The following HS3ST4 variants were observed in gnomAD, a reference collection of about 807,000 sequenced individuals.
HS3ST4 encodes heparan sulfate glucosamine 3-O-sulfotransferase 4.
HS3ST4 carries 17 observed loss-of-function variants against 29.2 expected under a neutral mutation model. The observed-to-expected ratio is 0.58, with a 90% CI of 0.40 to 0.87. The LOEUF is 0.87. Ranked by LOEUF, HS3ST4 falls within the 40% of genes least tolerant of loss-of-function variation. The pLI, the probability that HS3ST4 is intolerant of heterozygous loss-of-function variation, is 0.00. For synonymous variants in HS3ST4, 314 were observed against 285.7 expected (o/e 1.10, Z -1.00); for missense variants, 627 against 634.5 (o/e 0.99, Z 0.13).
At chr16:25,828,305 T>TTTCTTTCC (rs1567249540) in intron 1 of HS3ST4, among the ~76,000 whole-genome samples, 48 of 76,100 alleles carry the variant, frequency 6.3e-4, no homozygotes, top group South Asian at 1.0e-3. Flanking sequence ...TCTTTCCCTC[T>TTTCTTTCC]CTCTCTCTCT....
chr16:25,816,627 G>A (rs1360536453), intron 1 of HS3ST4, among the ~76,000 whole-genome samples: 1 of 152,176 alleles, frequency 6.6e-6, no homozygotes, highest in East Asian at 1.9e-4. Context: ...TTTCAGAGGT[G>A]TCTTAGTCTT....
chr16:26,028,002 G>A (rs148346149), intron 1 of HS3ST4, among the ~76,000 whole-genome samples: 12 of 152,260 alleles, frequency 7.9e-5, no homozygotes, highest in African/African-American at 1.9e-4. Context: ...GGCTGGGAGC[G>A]GGGCTCATGC....
chr16:25,718,411 G>C lies in HS3ST4; in HGVS notation c.734+25260G>C, dbSNP rs768726522. On this transcript the variant is annotated intron_variant, in intron 1 of 1. Transcript: ENST00000331351. The stretch of plus-strand genomic sequence containing the variant: ...TTAGAGTCTTGGAGCAGCAAGGATA[G>C]GGTGTCGGAGCTGCTTTCTGGTCAT... 1.3e-5 allele frequency among the ~76,000 whole-genome samples: 2 copies of C among 152,112 alleles called. 1 individual carries two copies. The highest frequency in any genetic ancestry group is 4.1e-4 in the South Asian group (2 of 4,820).
chr16:25,898,971 A>G (rs567704432), intron 1 of HS3ST4, among the ~76,000 whole-genome samples: 10 of 152,372 alleles, frequency 6.6e-5, no homozygotes, highest in South Asian at 2.1e-4. Context: ...ATTTTGAGAA[A>G]TACTGGTGGA....
At chr16:26,027,965 GA>G (rs2141751584) in intron 1 of HS3ST4, among the ~76,000 whole-genome samples, 1 of 152,170 alleles carries the variant, frequency 6.6e-6, no homozygotes, top group South Asian at 2.1e-4. Context: ...TTTTAATTCA[GA>G]ATAAAGATTA....
intron 1 of HS3ST4, among the ~76,000 whole-genome samples, chr16:26,090,879 G>A: frequency 6.6e-6 from 1 of 152,122 alleles, no homozygotes; most frequent in Non-Finnish European, 1.5e-5. Context: ...AGCCCATAGT[G>A]GGAGAATGAG....
intron 1 of HS3ST4, among the ~76,000 whole-genome samples, chr16:25,975,930 T>C (rs1567285311): frequency 6.6e-6 from 1 of 152,210 alleles, no homozygotes; most frequent in Non-Finnish European, 1.5e-5. Context: ...AATAGTACGC[T>C]GGGATGCACA....
intron 1 of HS3ST4, among the ~76,000 whole-genome samples, chr16:25,972,470 A>G (rs56210500): frequency 0.088 from 13,369 of 152,246 alleles, 775 homozygotes; most frequent in Non-Finnish European, 0.12. Context: ...TGTTGTCAAG[A>G]TTCCCTTCCT....
intron 1 of HS3ST4, among the ~76,000 whole-genome samples, chr16:25,792,234 A>G (rs1159838396): frequency 6.6e-6 from 1 of 151,936 alleles, no homozygotes; most frequent in Non-Finnish European, 1.5e-5. Flanking sequence ...CATGAATATT[A>G]AAGAGATTAA....
chr16:26,113,373 G>C (rs926873090), intron 1 of HS3ST4, among the ~76,000 whole-genome samples: 7 of 151,842 alleles, frequency 4.6e-5, no homozygotes, highest in African/African-American at 7.2e-5. Context: ...TTGAAACCGG[G>C]GGGTAGAGGT....
Position 25,798,478 on chromosome 16 carries a change from G to C in HS3ST4, c.734+105327G>C, listed in dbSNP as rs1966902301. 2.0e-5 allele frequency among the ~76,000 whole-genome samples: 3 copies of C among 152,288 alleles called. No homozygotes were observed. The South Asian group carries it at 6.2e-4, about 32-fold the overall frequency. The stretch of plus-strand genomic sequence containing the variant: ...TTATGACAGAAAAGAGAGCATAGCT[G>C]AATATGGCAATCATACAATGACTCT... On this transcript the variant is annotated intron_variant, in intron 1 of 1. Coordinates refer to ENST00000331351, the MANE Select transcript of HS3ST4 (RefSeq NM_006040.3).
At chr16:25,904,871 C>G (rs1366073230) in intron 1 of HS3ST4, among the ~76,000 whole-genome samples, 1 of 152,120 alleles carries the variant, frequency 6.6e-6, no homozygotes, top group African/African-American at 2.4e-5. Context: ...GCATTTTGGA[C>G]AGCGCCTGGT....
chr16:26,098,651 T>G, intron 1 of HS3ST4, among the ~76,000 whole-genome samples: 1 of 151,676 alleles, frequency 6.6e-6, no homozygotes, highest in Non-Finnish European at 1.5e-5. Context: ...AGTTGATGGG[T>G]GCAACAAACC....
At chr16:26,066,676 A>G (rs1180741904) in intron 1 of HS3ST4, among the ~76,000 whole-genome samples, 1 of 152,222 alleles carries the variant, frequency 6.6e-6, no homozygotes, top group East Asian at 1.9e-4. Context: ...TTGAAAGGTT[A>G]ATTACAGAAA....
At chr16:25,770,545 A>G (rs182308400) in intron 1 of HS3ST4, among the ~76,000 whole-genome samples, 127 of 149,778 alleles carry the variant, frequency 8.5e-4, no homozygotes, top group Non-Finnish European at 1.7e-3. Flanking sequence ...TAAGCCTAAC[A>G]CGCTCTACAA....
intron 1 of HS3ST4, among the ~76,000 whole-genome samples, chr16:26,065,451 G>T (rs1859451705): frequency 6.6e-6 from 1 of 152,148 alleles, no homozygotes; most frequent in African/African-American, 2.4e-5. Flanking sequence ...AGAGGGGAAT[G>T]ACACACACTG....
chr16:25,844,805 A>G (rs1967447911), intron 1 of HS3ST4, among the ~76,000 whole-genome samples: 2 of 152,202 alleles, frequency 1.3e-5, no homozygotes, highest in African/African-American at 4.8e-5. Context: ...ATCAACCCAA[A>G]TGCCATCAAT....
chr16:25,789,697 G>C (rs1966864800), intron 1 of HS3ST4, among the ~76,000 whole-genome samples: 1 of 152,076 alleles, frequency 6.6e-6, no homozygotes, highest in Non-Finnish European at 1.5e-5. Context: ...TCACCACCTA[G>C]ATCCAGAACA....
intron 1 of HS3ST4, among the ~76,000 whole-genome samples, chr16:25,746,943 G>A (rs1018163568): frequency 2.0e-5 from 3 of 152,046 alleles, no homozygotes; most frequent in Non-Finnish European, 4.4e-5. Context: ...GGAACTCCAG[G>A]GCTCAAGCAA....
Sources: gnomAD v4.1 joint callset for allele counts (sites outside exome capture counted in the v4.1 genomes callset) on GRCh38, gnomAD v4.1.1 for gene constraint, MANE v1.5 for transcripts, NCBI Gene and HGNC (gene_info 2026-07-23, HGNC 2026-07-21) for gene names.